The following SHLD1 variants were observed in gnomAD, a reference collection of about 807,000 sequenced individuals.
SHLD1 encodes the protein shieldin complex subunit 1, also known as RINN1-REV7-interacting novel NHEJ regulator 3.
Under a neutral mutation model 5.5 loss-of-function variants are expected in SHLD1, and 3 were observed. That is an observed-to-expected ratio of 0.54 (90% CI 0.25 to 1.40). SHLD1 has a LOEUF of 1.40. SHLD1 is among the 40% of genes most tolerant of loss of function. The pLI is 0.15. For synonymous variants in SHLD1, 92 were observed against 94.3 expected (o/e 0.98, Z 0.14); for missense variants, 210 against 244.4 (o/e 0.86, Z 0.94).
intron 2 of SHLD1, among the ~76,000 whole-genome samples, chr20:5,849,456 A>G (rs1053592759): frequency 6.6e-6 from 1 of 152,336 alleles, no homozygotes; most frequent in South Asian, 2.1e-4. Flanking sequence ...TAGACACCTT[A>G]TTGTTTATAA....
intron 2 of SHLD1, among the ~76,000 whole-genome samples, chr20:5,857,363 G>A (rs2088101943): frequency 6.6e-6 from 1 of 152,172 alleles, no homozygotes; most frequent in South Asian, 2.1e-4. Flanking sequence ...GCCTCCAACA[G>A]ACCAACCAAG....
intron 2 of SHLD1, among the ~76,000 whole-genome samples, chr20:5,795,467 C>T (rs1167054421): frequency 6.6e-6 from 1 of 151,878 alleles, no homozygotes; most frequent in Non-Finnish European, 1.5e-5. Context: ...GATGTGGTGG[C>T]ACGTGCCTGT....
In SHLD1 at chr20:5,750,416, G is replaced by T. The variant is rs568978912; in HGVS notation, c.-68G>T. 1 of 151,424 alleles carries T rather than the reference G, an allele frequency of 6.6e-6. No individual in the cohort carries two copies. The highest frequency in any genetic ancestry group is 2.0e-4 in the East Asian group (1 of 5,118). 9.4% of individuals were successfully genotyped at this position (151,424 alleles called of 1,614,324 possible). ...TTGCTTCCGCGTTCCGGTTGCGGAT[G>T]GTGAGTGTGTCGGGGGGCTTGGCGG... On this transcript the variant is annotated 5_prime_UTR_variant, in exon 1 of 3. The change abolishes an upstream ATG in the 5' untranslated region. Coordinates refer to ENST00000303142, the MANE Select transcript of SHLD1 (RefSeq NM_152504.4).
chr20:5,798,697 A>G (rs1056878997), intron 2 of SHLD1, among the ~76,000 whole-genome samples: 2 of 137,352 alleles, frequency 1.5e-5, no homozygotes, highest in Non-Finnish European at 3.2e-5. Flanking sequence ...GGCTCACTGC[A>G]AGCTCCGCCT....
chr20:5,853,842 CTTT>C (rs753008247), intron 2 of SHLD1, among the ~76,000 whole-genome samples: 1 of 141,954 alleles, frequency 7.0e-6, no homozygotes, highest in African/African-American at 2.5e-5. Flanking sequence ...TCCACGTCTA[CTTT>C]TTTTTTTTTT....
intron 2 of SHLD1, among the ~76,000 whole-genome samples, chr20:5,789,616 A>G (rs2087110720): frequency 6.6e-6 from 1 of 152,084 alleles, no homozygotes; most frequent in South Asian, 2.1e-4. Flanking sequence ...ATTGAGAAAA[A>G]AAAAACTTTT....
chr20:5,786,436 A>G (rs780514681), intron 2 of SHLD1, among the ~76,000 whole-genome samples: 4 of 152,140 alleles, frequency 2.6e-5, no homozygotes, highest in African/African-American at 9.7e-5. Flanking sequence ...TTAACTGGGC[A>G]TGGTAGCATG....
chr20:5,770,280 G>A (rs1470790650), intron 1 of SHLD1, among the ~76,000 whole-genome samples: 5 of 152,142 alleles, frequency 3.3e-5, no homozygotes, highest in Admixed American at 1.3e-4. Context: ...AGTTGTAGGC[G>A]ATTTTAAGCT....
At position 5,842,358 on chromosome 20, in the gene SHLD1, G is replaced by C. The variant is rs138949942; in HGVS notation, c.179-20666G>C. Among the ~76,000 whole-genome samples, 511 of 152,280 alleles carry C rather than the reference G, an allele frequency of 3.4e-3. 4 individuals carry two copies. The highest frequency in any genetic ancestry group is 0.012 in the African/African-American group (489 of 41,556). Reference sequence around the variant, plus strand: ...AGCTTTGGATATAAGGGCAATCTGGGTATGACATTTATTATTTTGGTCGAT... The same window carrying C: ...AGCTTTGGATATAAGGGCAATCTGGCTATGACATTTATTATTTTGGTCGAT... On this transcript the variant is annotated intron_variant, in intron 2 of 2. Transcript: ENST00000303142.
At chr20:5,812,543 C>G (rs1407698896) in intron 2 of SHLD1, among the ~76,000 whole-genome samples, 1 of 152,106 alleles carries the variant, frequency 6.6e-6, no homozygotes, top group Non-Finnish European at 1.5e-5. Context: ...ACAACAGAGC[C>G]AGAAGTCCTC....
chr20:5,805,807 G>A (rs2087366380), intron 2 of SHLD1, among the ~76,000 whole-genome samples: 1 of 152,050 alleles, frequency 6.6e-6, no homozygotes, highest in Non-Finnish European at 1.5e-5. Context: ...CACCATTTTG[G>A]CCAGGCTGGT....
At chr20:5,776,656 G>A (rs995631561) in intron 2 of SHLD1, among the ~76,000 whole-genome samples, 1 of 151,960 alleles carries the variant, frequency 6.6e-6, no homozygotes, top group Non-Finnish European at 1.5e-5. Context: ...CCAGATACTC[G>A]GGGGCCTGAG....
At chr20:5,782,398 T>G (rs551151979) in intron 2 of SHLD1, among the ~76,000 whole-genome samples, 1 of 152,302 alleles carries the variant, frequency 6.6e-6, no homozygotes, top group East Asian at 1.9e-4. Flanking sequence ...CTGGAACCTT[T>G]GTCCTGGAGA....
chr20:5,847,418 C>T (rs1254037261), intron 2 of SHLD1, among the ~76,000 whole-genome samples: 5 of 152,152 alleles, frequency 3.3e-5, no homozygotes, highest in South Asian at 2.1e-4. Flanking sequence ...GTGGCTTCTC[C>T]GGAGGTCCTT....
At chr20:5,826,516 C>T (rs1325444526) in intron 2 of SHLD1, among the ~76,000 whole-genome samples, 1 of 152,100 alleles carries the variant, frequency 6.6e-6, no homozygotes, top group Non-Finnish European at 1.5e-5. Flanking sequence ...AGATCTTCTC[C>T]AAGTGGCTTT....
intron 2 of SHLD1, among the ~76,000 whole-genome samples, chr20:5,829,649 C>A (rs1052780733): frequency 1.2e-4 from 18 of 152,160 alleles, no homozygotes; most frequent in African/African-American, 4.3e-4. Context: ...GCCTTAATAA[C>A]CTAAATTTAA....
In SHLD1 at chr20:5,862,928, G is replaced by A. The variant is rs888298088; in HGVS notation, c.179-96G>A. ...ATTGCCAGTTACTCAGGAACAGTAA[G>A]CATGTTGAACTGAAAATAGACATCA... On this transcript the variant is annotated intron_variant, in intron 2 of 2. Coordinates refer to ENST00000303142, the MANE Select transcript of SHLD1 (RefSeq NM_152504.4). 1.3e-5 allele frequency: 14 copies of A among 1,064,040 alleles called. No individual in the cohort carries two copies. In the African/African-American group the frequency reaches 2.1e-4, roughly 16 times the overall value. The allele number at this position is 1,064,040 out of a possible 1,614,324, so 65.9% of individuals were successfully genotyped here. A position where few individuals can be genotyped will look rare whatever the true frequency, so the allele number is the denominator to read the frequency against.
At chr20:5,808,047 C>G (rs1167451090) in intron 2 of SHLD1, among the ~76,000 whole-genome samples, 1 of 152,078 alleles carries the variant, frequency 6.6e-6, no homozygotes, top group East Asian at 1.9e-4. Context: ...TTTGGGAGGC[C>G]AGGGTGGGCA....
chr20:5,755,961 G>C (rs1013667221), intron 1 of SHLD1, among the ~76,000 whole-genome samples: 1 of 152,142 alleles, frequency 6.6e-6, no homozygotes, highest in Non-Finnish European at 1.5e-5. Flanking sequence ...AAAATCCTTT[G>C]ATTTCCTTCA....
Sources: gnomAD v4.1 joint callset for allele counts (sites outside exome capture counted in the v4.1 genomes callset) on GRCh38, gnomAD v4.1.1 for gene constraint, MANE v1.5 for transcripts, NCBI Gene and HGNC (gene_info 2026-07-23, HGNC 2026-07-21) for gene names.